MFF: variants seen among roughly 807,000 people sequenced by gnomAD.
MFF encodes mitochondrial fission factor, also known as chromosome 2 open reading frame 33.
In MFF, 12 loss-of-function variants were observed where a neutral mutation model predicts 36.9. The observed-to-expected ratio is 0.33, with a 90% CI of 0.21 to 0.53. The LOEUF (loss-of-function observed/expected upper bound fraction) is 0.53, where lower values mean the gene tolerates loss of function less well. MFF is among the 20% of genes least tolerant of loss of function. The pLI, the probability that MFF is intolerant of heterozygous loss-of-function variation, is 0.95. For synonymous variants in MFF, 99 were observed against 126.2 expected (o/e 0.78, Z 1.44); for missense variants, 348 against 366.6 (o/e 0.95, Z 0.42).
chr2:227,336,203 T>C (rs2074991231), intron 4 of MFF, among the ~76,000 whole-genome samples: 1 of 152,230 alleles, frequency 6.6e-6, no homozygotes, highest in South Asian at 2.1e-4. Context: ...GTCAAAGATG[T>C]GGACTCTGCC....
intron 1 of MFF, among the ~76,000 whole-genome samples, chr2:227,328,349 A>ATG (rs1336372797): frequency 2.1e-5 from 3 of 145,392 alleles, no homozygotes; most frequent in Admixed American, 1.4e-4. Context: ...TTTAACATAT[A>ATG]TGTGTACCTA....
rs1414062968 is a variant in MFF, at chr2:227,341,287, AG to A, written c.440+909del. Among the ~76,000 whole-genome samples the A allele has an allele frequency of 3.7e-4, 6 of 16,068 alleles. No individual in the cohort carries two copies. In the East Asian group the frequency reaches 0.035, roughly 94 times the overall value. The allele number at this position is 16,068 out of a possible 152,430, so 10.5% of individuals were successfully genotyped here. A position where few individuals can be genotyped will look rare whatever the true frequency, so the allele number is the denominator to read the frequency against. The stretch of plus-strand genomic sequence containing the variant: ...GGTCATTGATATTAAAGGTAGAGAG[AG>A]GTTTTTTTTTTTTCAAATCCTTGCT... On this transcript the variant is annotated intron_variant, in intron 5 of 8. Transcript: ENST00000304593.
intron 8 of MFF, among the ~76,000 whole-genome samples, chr2:227,356,134 G>A (rs987752765): frequency 2.6e-5 from 4 of 152,094 alleles, no homozygotes; most frequent in African/African-American, 4.8e-5. Flanking sequence ...CCCTGCATAC[G>A]TATTTCCTGT....
intron 4 of MFF, among the ~76,000 whole-genome samples, chr2:227,340,018 T>C (rs1300746923): frequency 1.3e-5 from 2 of 152,234 alleles, no homozygotes; most frequent in Non-Finnish European, 2.9e-5. Context: ...GTAAAATTGA[T>C]ACTTAAAAAG....
intron 6 of MFF, chr2:227,351,999 CAAAATT>C (rs2076020524): frequency 6.5e-6 from 1 of 152,850 alleles, no homozygotes; most frequent in Non-Finnish European, 1.5e-5. Context: ...AGGCACTACT[CAAAATT>C]AATGAGGTGG....
At chr2:227,332,389 TTC>T (rs1274940630) in intron 3 of MFF, 28 bp from the exon 4 acceptor site, 2 of 1,563,740 alleles carry the variant, frequency 1.3e-6, no homozygotes, top group Non-Finnish European at 1.7e-6. Flanking sequence ...CGCTTTTCTC[TTC>T]TTTGTCTCTT....
At chr2:227,342,671 A>G in intron 5 of MFF, 1 of 1,239,138 alleles carries the variant, frequency 8.1e-7, no homozygotes. Flanking sequence ...AATTCTAAAC[A>G]GTAAAATCAG....
In MFF at chr2:227,328,317, AAAAC is replaced by A. The variant is rs751912457; in HGVS notation, c.-152-360_-152-357del. ...TGACAAAAAAAAAAAAAAAAAAAAA[AAAAC>A]CAATTCATTTGTTCTTCTTTAACAT... is the stretch of plus-strand genomic sequence containing the variant. On this transcript the variant is annotated intron_variant, in intron 1 of 8. Transcript: ENST00000304593. Among the ~76,000 whole-genome samples, 72 of 148,284 alleles carry A rather than the reference AAAAC, an allele frequency of 4.9e-4. 1 individual carries two copies. The highest frequency in any genetic ancestry group is 8.6e-4 in the South Asian group (4 of 4,650).
chr2:227,329,896 T>G, intron 2 of MFF: 1 of 647,798 alleles, frequency 1.5e-6, no homozygotes, highest in Non-Finnish European at 2.7e-6. Context: ...AGCTTTTGTA[T>G]TGGCGGCAAC....
chr2:227,332,370 A>G, intron 3 of MFF, 49 bp from the exon 4 acceptor site: 1 of 1,445,698 alleles, frequency 6.9e-7, no homozygotes, highest in Non-Finnish European at 9.3e-7. Flanking sequence ...GTCTTTTTAA[A>G]AAACCTCCCG....
At chr2:227,327,130 T>TA (rs370084322) in intron 1 of MFF, among the ~76,000 whole-genome samples, 2 of 151,822 alleles carry the variant, frequency 1.3e-5, no homozygotes, top group Admixed American at 6.6e-5. Context: ...AAAGTCGAGT[T>TA]AAAAAAATTA....
chr2:227,332,987 A>G lies in MFF; in HGVS notation c.351+399A>G, dbSNP rs530515783. ...TCGCTTGACACTACCCATTCTCGCT[A>G]CTTGATTAAAAGTTTCTACTGAGCT... On this transcript the variant is annotated intron_variant, in intron 4 of 8. Transcript: ENST00000304593. Among the ~76,000 whole-genome samples, 314 of 152,330 alleles carry G rather than the reference A, an allele frequency of 2.1e-3. 1 individual carries two copies. Among genetic ancestry groups the G allele is most frequent in the Non-Finnish European group, 2.8e-3 (192 of 68,026 alleles).
intron 6 of MFF, among the ~76,000 whole-genome samples, chr2:227,349,530 G>T (rs1416371541): frequency 6.6e-6 from 1 of 151,996 alleles, no homozygotes; most frequent in Non-Finnish European, 1.5e-5. Flanking sequence ...TTTTCTCCTA[G>T]ATCTGTAGCA....
In MFF at chr2:227,330,743, G is replaced by C; in HGVS notation, c.78G>C (p.Lys26Asn). 6.2e-7 allele frequency: 1 copy of C among 1,614,224 alleles called. No individual in the cohort carries two copies. Among genetic ancestry groups the C allele is most frequent in the Non-Finnish European group, 8.5e-7 (1 of 1,180,022 alleles). Residue 26 changes from lysine (K) to asparagine (N), a missense_variant, in exon 3 of 9, where the codon AAG (lysine) becomes AAC (asparagine). By Grantham distance (94) the Lys-to-Asn change is moderately conservative (BLOSUM62 0). Coordinates refer to ENST00000304593, the MANE Select transcript of MFF (RefSeq NM_001277062.2). ...GISQRMRVPE[K>N]LKVAPPNADL... is the part of the protein sequence containing the mutation. ...GTCAGCGAATGAGGGTCCCAGAAAA[G>C]TTAAAAGTAGCACCGCCAAACGCTG...
rs562839705 is a variant in MFF at position 227,344,430 on chromosome 2, T to C, written c.441-2796T>C. ...GGTTGGGTCCATGAGTGGACGGAGA[T>C]GAAAGCGCTGTTTCCCTCCACAGTT... On this transcript the variant is annotated intron_variant, in intron 5 of 8. Transcript: ENST00000304593. Among the ~76,000 whole-genome samples the C allele has an allele frequency of 1.9e-3, 286 of 152,342 alleles. 2 individuals carry two copies. The highest frequency in any genetic ancestry group is 3.9e-3 in the South Asian group (19 of 4,830).
At position 227,357,120 on chromosome 2, in the gene MFF, G is replaced by T. The variant is rs752945201; in HGVS notation, c.*3G>T. 1 of 1,611,110 alleles carries T rather than the reference G, an allele frequency of 6.2e-7. No homozygotes were observed. The highest frequency in any genetic ancestry group is 1.7e-5 in the Admixed American group (1 of 59,672). ...GCTGGCTCTGGTTTCGCCGCTAGAG[G>T]TAACATCAGCCCTCAAAAATACTGT... is the stretch of plus-strand genomic sequence containing the variant. On this transcript the variant is annotated 3_prime_UTR_variant, in exon 9 of 9. Transcript: ENST00000304593.
intron 2 of MFF, chr2:227,329,477 G>T (rs2074412501): frequency 2.8e-6 from 1 of 357,114 alleles, no homozygotes; most frequent in East Asian, 7.5e-5. Flanking sequence ...TTAACAATTG[G>T]TTTCTCAAAT....
chr2:227,331,959 A>ATATTTTTTTTTTT (rs572787657), intron 3 of MFF, among the ~76,000 whole-genome samples: 3 of 76,842 alleles, frequency 3.9e-5, no homozygotes, highest in Admixed American at 1.6e-4. Flanking sequence ...CGCTGGAAGC[A>ATATTTTTTTTTTT]TTTTTTTTTT....
At chr2:227,344,206 T>C (rs1441624419) in intron 5 of MFF, among the ~76,000 whole-genome samples, 4 of 152,238 alleles carry the variant, frequency 2.6e-5, no homozygotes, top group African/African-American at 9.6e-5. Context: ...ATCTTTTCTT[T>C]TAAAAAGGTA....
Sources: gnomAD v4.1 joint callset for allele counts (sites outside exome capture counted in the v4.1 genomes callset) on GRCh38, gnomAD v4.1.1 for gene constraint, MANE v1.5 for transcripts, NCBI Gene and HGNC (gene_info 2026-07-23, HGNC 2026-07-21) for gene names.